The following P2RY10 variants were observed in gnomAD, a reference collection of about 807,000 sequenced individuals.
P2RY10 encodes putative P2Y purinoceptor 10.
Under a neutral mutation model 12.1 loss-of-function variants are expected in P2RY10, and 4 were observed. The ratio of observed to expected loss-of-function variants is 0.33; its 90% CI spans 0.16 to 0.76. The LOEUF is 0.76. P2RY10 is among the 30% of genes least tolerant of loss of function. The pLI is 0.61. For synonymous variants in P2RY10, 112 were observed against 94.1 expected (o/e 1.19, Z -1.10); for missense variants, 233 against 264.6 (o/e 0.88, Z 0.83).
At chrX:78,958,867 C>T (rs755591912) in intron 3 of P2RY10, among the ~76,000 whole-genome samples, 1 of 111,591 alleles carries the variant, frequency 9.0e-6, no homozygotes, top group Non-Finnish European at 1.9e-5. Flanking sequence ...ACAGTAACAG[C>T]AGCTCATAAC....
chrX:78,951,890 A>T lies in P2RY10; in HGVS notation c.-156-303A>T, dbSNP rs775753809. Reference sequence around the variant, plus strand: ...CTAGTTATTAAGCCCAGCATCCATTAGCTATTCTTCCTGATGCTCTCTCTC... The same window carrying T: ...CTAGTTATTAAGCCCAGCATCCATTTGCTATTCTTCCTGATGCTCTCTCTC... On this transcript the variant is annotated intron_variant, in intron 2 of 3. Coordinates refer to ENST00000171757, the MANE Select transcript of P2RY10 (RefSeq NM_014499.4). Among the ~76,000 whole-genome samples, 4 of 111,601 alleles carry T rather than the reference A, an allele frequency of 3.6e-5. No individual in the cohort carries two copies. In the South Asian group the frequency reaches 1.5e-3, roughly 42 times the overall value.
intron 3 of P2RY10, among the ~76,000 whole-genome samples, chrX:78,957,357 G>GACACACACACACACACACAC (rs765759888): frequency 1.2e-3 from 70 of 57,895 alleles, no homozygotes; most frequent in African/African-American, 3.0e-3. Context: ...GGAAGAGAAA[G>GACACACACACACACACACAC]ACACACACAC....
At chrX:78,952,375 GC>G (rs1300945511) in intron 3 of P2RY10, 40 bp downstream of exon 3, 1 of 710,272 alleles carries the variant, frequency 1.4e-6, no homozygotes, top group Non-Finnish European at 1.7e-6. Context: ...GGCATTGGAG[GC>G]ACTGGGAATT....
chrX:78,961,498 C>A lies in P2RY10; in HGVS notation c.978C>A (p.Ser326=), dbSNP rs763969815. ...GCCATGGCAGTTCTGTGACCCGCTC[C>A]CGCCTCATGAGCAAGGAGAGTGGTT... ...LSRHGSSVTR[S]RLMSKESGSS... The change falls in exon 4 of 4, where the codon TCC becomes TCA. Residue 326 remains serine (S), a synonymous_variant. Coordinates refer to ENST00000171757, the MANE Select transcript of P2RY10 (RefSeq NM_014499.4). 1 of 1,206,055 alleles carries A rather than the reference C, an allele frequency of 8.3e-7. No homozygotes were observed. The highest frequency in any genetic ancestry group is 1.8e-5 in the African/African-American group (1 of 56,958).
At position 78,961,102 on chromosome X, in the gene P2RY10, G is replaced by A. The variant is rs1602271889; in HGVS notation, c.582G>A (p.Ala194=). ...DLGYKQMNAV[A]LVGMITVAEL... ...GATACAAGCAAATGAATGCAGTTGC[G>A]TTGGTCGGGATGATTACAGTTGCTG... is the stretch of plus-strand genomic sequence containing the variant. The change falls in exon 4 of 4, where the codon GCG becomes GCA. Residue 194 remains alanine (A), a synonymous_variant. Coordinates refer to ENST00000171757, the MANE Select transcript of P2RY10 (RefSeq NM_014499.4). 3.3e-6 allele frequency: 4 copies of A among 1,208,822 alleles called. No homozygotes were observed. The highest frequency in any genetic ancestry group is 4.4e-5 in the Admixed American group (2 of 45,706).
chrX:78,960,844 C>G lies in P2RY10; in HGVS notation c.324C>G (p.Leu108=). Reference sequence around the variant, plus strand: ...CTTTCCAGAGAGCCCTTTGCCTGCTCTGCTTCTACCTGAAGTATCTCAACA... The same window carrying G: ...CTTTCCAGAGAGCCCTTTGCCTGCTGTGCTTCTACCTGAAGTATCTCAACA... ...HWPFQRALCL[L]CFYLKYLNMY... is the part of the protein sequence containing the mutation. Residue 108 remains leucine (L), a synonymous_variant, in exon 4 of 4, where the codon CTC becomes CTG. Transcript: ENST00000171757. The G allele has an allele frequency of 1.7e-6, 2 of 1,210,637 alleles. No homozygotes were observed. Among genetic ancestry groups the G allele is most frequent in the Non-Finnish European group, 2.2e-6 (2 of 894,522 alleles).
chrX:78,954,924 A>G (rs924364895), intron 3 of P2RY10, among the ~76,000 whole-genome samples: 2 of 112,085 alleles, frequency 1.8e-5, no homozygotes, highest in Non-Finnish European at 3.8e-5. Flanking sequence ...GATAATTCAG[A>G]CAAAGTGAGG....
rs1295517490 is a variant in P2RY10, at chrX:78,962,187, G to A, written c.*647G>A. Among the ~76,000 whole-genome samples the A allele has an allele frequency of 9.0e-6, 1 of 110,586 alleles. No individual in the cohort carries two copies. The highest frequency in any genetic ancestry group is 1.9e-5 in the Non-Finnish European group (1 of 52,878). On this transcript the variant is annotated 3_prime_UTR_variant, in exon 4 of 4. Coordinates refer to ENST00000171757, the MANE Select transcript of P2RY10 (RefSeq NM_014499.4). The stretch of plus-strand genomic sequence containing the variant: ...GGGTACAGGTGGTATTTGGTTACAT[G>A]AGTAAGTTCTTTAGTGGTGATTTGT...
chrX:78,946,771 A>T (rs1921854909), intron 1 of P2RY10, among the ~76,000 whole-genome samples: 1 of 112,422 alleles, frequency 8.9e-6, no homozygotes, highest in Non-Finnish European at 1.9e-5. Context: ...TTGAACACAG[A>T]TTCTTTGGCC....
At chrX:78,946,928 C>T (rs902050372) in intron 1 of P2RY10, among the ~76,000 whole-genome samples, 7 of 111,815 alleles carry the variant, frequency 6.3e-5, no homozygotes, top group African/African-American at 1.3e-4. Flanking sequence ...AAAGACAGGC[C>T]AGCCTGCTGG....
In P2RY10 at chrX:78,963,054, C is replaced by T. The variant is rs1922714559; in HGVS notation, c.*1514C>T. ...AAACGTTGTGGTTGTTGTTTCAGCA[C>T]CATTTTAAAGAATTTGAATACAAAC... On this transcript the variant is annotated 3_prime_UTR_variant, in exon 4 of 4. Transcript: ENST00000171757. 9.0e-6 allele frequency among the ~76,000 whole-genome samples: 1 copy of T among 111,375 alleles called. No homozygotes were observed. The highest frequency in any genetic ancestry group is 1.9e-5 in the Non-Finnish European group (1 of 53,042).
At position 78,963,567 on chromosome X, in the gene P2RY10, G is replaced by A. The variant is rs779593223; in HGVS notation, c.*2027G>A. ...TTTCAAGTGGTTGATAAAAGGTAGT[G>A]CTTCAAGCACAGGATTTATGGAATA... On this transcript the variant is annotated 3_prime_UTR_variant, in exon 4 of 4. Coordinates refer to ENST00000171757, the MANE Select transcript of P2RY10 (RefSeq NM_014499.4). Among the ~76,000 whole-genome samples the A allele has an allele frequency of 5.3e-5, 6 of 112,403 alleles. No homozygotes were observed. Among genetic ancestry groups the A allele is most frequent in the Non-Finnish European group, 1.1e-4 (6 of 53,271 alleles).
At chrX:78,957,408 A>G (rs1285199974) in intron 3 of P2RY10, among the ~76,000 whole-genome samples, 1 of 108,099 alleles carries the variant, frequency 9.3e-6, no homozygotes, top group Admixed American at 9.9e-5. Context: ...AGAGAGAGAG[A>G]GAGAGAGAGA....
Position 78,952,204 on chromosome X carries a change from A to G in P2RY10, c.-145A>G. The G allele has an allele frequency of 9.3e-6, 7 of 751,266 alleles. No individual in the cohort carries two copies. Among genetic ancestry groups the G allele is most frequent in the Non-Finnish European group, 9.4e-6 (6 of 636,585 alleles). The allele number at this position is 751,266 out of a possible 1,213,427, so 61.9% of individuals were successfully genotyped here. A position where few individuals can be genotyped will look rare whatever the true frequency, so the allele number is the denominator to read the frequency against. On this transcript the variant is annotated 5_prime_UTR_variant, in exon 3 of 4. It removes an upstream start codon present in the reference 5' UTR. Transcript: ENST00000171757. ...GCTTTTCTTATTAGGTTAAAACTCTATGCTGGTCATTCCCTTCAGGATTTG... is the reference window on the plus strand; with the variant it reads ...GCTTTTCTTATTAGGTTAAAACTCTGTGCTGGTCATTCCCTTCAGGATTTG...
At position 78,961,638 on chromosome X, in the gene P2RY10, T is replaced by TA; in HGVS notation, c.*104dup. ...AACCAATTTCTTTAATTGAACATTG[T>TA]AAAAAACAGGAATAAGTACTTTTGT... On this transcript the variant is annotated 3_prime_UTR_variant, in exon 4 of 4. Coordinates refer to ENST00000171757, the MANE Select transcript of P2RY10 (RefSeq NM_014499.4). 11 of 624,210 alleles carry TA rather than the reference T, an allele frequency of 1.8e-5. No individual in the cohort carries two copies. The highest frequency in any genetic ancestry group is 2.8e-5 in the Non-Finnish European group (11 of 396,742). 51.4% of individuals were successfully genotyped at this position (624,210 alleles called of 1,213,427 possible).
At chrX:78,953,287 G>A (rs756108963) in intron 3 of P2RY10, among the ~76,000 whole-genome samples, 5 of 111,748 alleles carry the variant, frequency 4.5e-5, no homozygotes, top group Non-Finnish European at 9.4e-5. Flanking sequence ...TAGGAGAAAT[G>A]GAAGCATTTA....
At chrX:78,957,953 G>A (rs1051561630) in intron 3 of P2RY10, among the ~76,000 whole-genome samples, 3 of 112,294 alleles carry the variant, frequency 2.7e-5, no homozygotes, top group African/African-American at 9.7e-5. Flanking sequence ...AAAAGTGGAA[G>A]TGTGACTGCA....
rs559884106 is a variant in P2RY10, at chrX:78,951,786, G to A, written c.-156-407G>A. ...TTCAACTTTTATTTTAAGTTTAGGG[G>A]TACATGTGCAGGATGTGCAGGGTTG... On this transcript the variant is annotated intron_variant, in intron 2 of 3. Coordinates refer to ENST00000171757, the MANE Select transcript of P2RY10 (RefSeq NM_014499.4). Among the ~76,000 whole-genome samples the A allele has an allele frequency of 2.0e-4, 22 of 111,411 alleles. No homozygotes were observed. The South Asian group carries it at 8.3e-3, about 42-fold the overall frequency.
intron 2 of P2RY10, among the ~76,000 whole-genome samples, chrX:78,950,067 C>A (rs1212756582): frequency 1.8e-5 from 2 of 111,944 alleles, no homozygotes; most frequent in Non-Finnish European, 3.8e-5. Flanking sequence ...TCTTCCCCTC[C>A]CAGGATGACA....
Sources: gnomAD v4.1 joint callset for allele counts (sites outside exome capture counted in the v4.1 genomes callset) on GRCh38, gnomAD v4.1.1 for gene constraint, MANE v1.5 for transcripts, NCBI Gene and HGNC (gene_info 2026-07-23, HGNC 2026-07-21) for gene names.